SCIN: variants seen among roughly 807,000 people sequenced by gnomAD.
The protein encoded by SCIN is adseverin.
In SCIN, 91 loss-of-function variants were observed where a neutral mutation model predicts 91.8. That is an observed-to-expected ratio of 0.99 (90% CI 0.84 to 1.18). The LOEUF is 1.18. Among genes scored for constraint, SCIN ranks in the 50% most tolerant of loss-of-function variants. The probability of loss-of-function intolerance (pLI) is 0.00; values close to 1 mark genes in which losing one functional copy is unlikely to be tolerated. For missense variants in SCIN, 1,087 were observed against 863.9 expected, an observed-to-expected ratio of 1.26 and a Z score of -3.24; for synonymous variants, 367 against 312.6, an observed-to-expected ratio of 1.17 and a Z score of -1.84.
intron 1 of SCIN, among the ~76,000 whole-genome samples, chr7:12,575,642 G>T (rs528502332): frequency 1.3e-5 from 2 of 152,058 alleles, no homozygotes; most frequent in African/African-American, 2.4e-5. Flanking sequence ...GAAATTCATA[G>T]GATGTACACA....
intron 3 of SCIN, chr7:12,589,601 T>TA (rs1204179077): frequency 1.1e-4 from 17 of 152,180 alleles, no homozygotes; most frequent in African/African-American, 4.1e-4. Context: ...ACTCCTCTTC[T>TA]AAAAAGATAC....
At chr7:12,602,766 G>A (rs1782984756) in intron 3 of SCIN, among the ~76,000 whole-genome samples, 1 of 152,084 alleles carries the variant, frequency 6.6e-6, no homozygotes, top group African/African-American at 2.4e-5. Context: ...GTCTTCCCTT[G>A]TTCCCTAAAA....
intron 1 of SCIN, 149 bp downstream of exon 1, chr7:12,571,134 C>G (rs1292875493): frequency 2.4e-6 from 2 of 844,810 alleles, no homozygotes; most frequent in Non-Finnish European, 1.8e-6. Context: ...TGGGGCCGGC[C>G]ACTTTCTCCC....
Position 12,657,538 on chromosome 7 carries a change from GTATATATATATA to G in SCIN, c.*4847_*4858del, listed in dbSNP as rs1174371206. 149 of 27,606 alleles carry G rather than the reference GTATATATATATA, an allele frequency of 5.4e-3. No individual in the cohort carries two copies. The highest frequency in any genetic ancestry group is 0.011 in the African/African-American group (143 of 12,868). 1.7% of individuals were successfully genotyped at this position (27,606 alleles called of 1,614,324 possible). On this transcript the variant is annotated 3_prime_UTR_variant, in exon 16 of 16. Coordinates refer to ENST00000297029, the MANE Select transcript of SCIN (RefSeq NM_001112706.3). Reference sequence around the variant, plus strand: ...ATTTTTAAGTTTTATATATGTGTGTGTATATATATATATATATATATATATATATATATATTT... The same window carrying G: ...ATTTTTAAGTTTTATATATGTGTGTGTATATATATATATATATATATATTT...
chr7:12,621,637 G>GTTTTTTTTTTTT (rs60697843), intron 4 of SCIN, among the ~76,000 whole-genome samples: 1 of 106,394 alleles, frequency 9.4e-6, no homozygotes, highest in Non-Finnish European at 1.9e-5. Context: ...AAGTGTTTTA[G>GTTTTTTTTTTTT]TTTTTTTTTT....
chr7:12,615,077 G>A (rs151237308), intron 4 of SCIN, among the ~76,000 whole-genome samples: 3 of 152,260 alleles, frequency 2.0e-5, no homozygotes, highest in African/African-American at 4.8e-5. Context: ...CAGACACTGC[G>A]ATCTTAAACA....
At chr7:12,652,517 AT>A in intron 15 of SCIN, 70 bp from the exon 16 acceptor site, 2 of 1,389,596 alleles carry the variant, frequency 1.4e-6, no homozygotes, top group South Asian at 1.3e-5. Context: ...TATTCGAAGA[AT>A]TTTCAATCTG....
At chr7:12,593,065 C>A (rs1179818092) in intron 3 of SCIN, among the ~76,000 whole-genome samples, 1 of 152,216 alleles carries the variant, frequency 6.6e-6, no homozygotes, top group Non-Finnish European at 1.5e-5. Context: ...GTCTGCCCAT[C>A]TGTTGAGAGG....
At chr7:12,593,314 C>T (rs1424781304) in intron 3 of SCIN, among the ~76,000 whole-genome samples, 2 of 152,080 alleles carry the variant, frequency 1.3e-5, no homozygotes, top group South Asian at 2.1e-4. Flanking sequence ...TTATTTTGCT[C>T]GTCCCTGTTA....
At chr7:12,603,490 A>G (rs1783002483) in intron 3 of SCIN, among the ~76,000 whole-genome samples, 1 of 152,092 alleles carries the variant, frequency 6.6e-6, no homozygotes, top group Non-Finnish European at 1.5e-5. Context: ...AACCTGTGTC[A>G]GTTTATACCA....
At chr7:12,626,915 C>G in intron 8 of SCIN, 116 bp downstream of exon 8, 1 of 874,008 alleles carries the variant, frequency 1.1e-6, no homozygotes, top group Admixed American at 2.6e-5. Context: ...CATGGTGAAA[C>G]CCCACCTCTA....
chr7:12,571,429 G>T (rs996403817), intron 1 of SCIN: 11 of 350,250 alleles, frequency 3.1e-5, no homozygotes, highest in Admixed American at 2.5e-4. Flanking sequence ...ATCTGCCGCC[G>T]CTAGGAAGAA....
In SCIN at chr7:12,640,411, T is replaced by G. The variant is rs186847510; in HGVS notation, c.1475T>G (p.Ile492Ser). ...AGTTTGTTCAAAGACAAACCGCTCA[T>G]TATTTACAAGAATGGAACATCAAAG... ...LLSLFKDKPL[I>S]IYKNGTSKKG... The change falls in exon 11 of 16, where the codon ATT becomes AGT. Residue 492 changes from isoleucine (I) to serine (S), a missense_variant. By Grantham distance (142) the Ile-to-Ser change is moderately radical. Coordinates refer to ENST00000297029, the MANE Select transcript of SCIN (RefSeq NM_001112706.3). 1.8e-4 allele frequency: 287 copies of G among 1,613,614 alleles called. 2 individuals carry two copies. In the South Asian group the frequency reaches 1.9e-3, roughly 11 times the overall value.
chr7:12,609,776 C>T (rs1003418664), intron 4 of SCIN, among the ~76,000 whole-genome samples: 15 of 151,962 alleles, frequency 9.9e-5, no homozygotes, highest in Non-Finnish European at 1.8e-4. Flanking sequence ...TAGGCAGATG[C>T]TGTGTTGCTG....
At chr7:12,587,256 G>T (rs186575374) in intron 3 of SCIN, among the ~76,000 whole-genome samples, 7 of 152,282 alleles carry the variant, frequency 4.6e-5, no homozygotes, top group Admixed American at 3.9e-4. Context: ...GGTGAATTTT[G>T]TTAGCCATTA....
chr7:12,586,157 A>C (rs1331850644), intron 3 of SCIN, among the ~76,000 whole-genome samples: 1 of 152,226 alleles, frequency 6.6e-6, no homozygotes, highest in East Asian at 1.9e-4. Context: ...CAACAAATGT[A>C]TATCTATCCA....
In SCIN at chr7:12,653,435, C is replaced by A. The variant is rs550932329; in HGVS notation, c.*720C>A. 2 of 152,220 alleles carry A rather than the reference C, an allele frequency of 1.3e-5. No homozygotes were observed. Among genetic ancestry groups the A allele is most frequent in the South Asian group, 4.1e-4 (2 of 4,822 alleles). 9.4% of individuals were successfully genotyped at this position (152,220 alleles called of 1,614,324 possible). ...TATTCTCTTTTCTATAGATTGTGTT[C>A]AAAAGATGTGTATACTTGCAATAAG... is the stretch of plus-strand genomic sequence containing the variant. On this transcript the variant is annotated 3_prime_UTR_variant, in exon 16 of 16. Coordinates refer to ENST00000297029, the MANE Select transcript of SCIN (RefSeq NM_001112706.3). The surrounding 1 kb of genome is among the most constrained non-coding windows in gnomAD (Gnocchi z 4.1).
Position 12,657,956 on chromosome 7 carries a change from C to T in SCIN, c.*5241C>T, listed in dbSNP as rs1784202140. 1 of 151,968 alleles carries T rather than the reference C, an allele frequency of 6.6e-6. No homozygotes were observed. 9.4% of individuals were successfully genotyped at this position (151,968 alleles called of 1,614,324 possible). A position where few individuals can be genotyped will look rare whatever the true frequency, so the allele number is the denominator to read the frequency against. On this transcript the variant is annotated 3_prime_UTR_variant, in exon 16 of 16. Transcript: ENST00000297029. Reference sequence around the variant, plus strand: ...TTAATTTAGTTAACATGACAAACTCCATCTTATTTAGAGAGATTATTTTTG... The same window carrying T: ...TTAATTTAGTTAACATGACAAACTCTATCTTATTTAGAGAGATTATTTTTG...
chr7:12,588,804 T>TG (rs1204389002), intron 3 of SCIN: 1 of 2,644 alleles, frequency 3.8e-4, no homozygotes. Flanking sequence ...ACAGCTGCAT[T>TG]GGGTGGGGGG....
Sources: gnomAD v4.1 joint callset for allele counts (sites outside exome capture counted in the v4.1 genomes callset) on GRCh38, gnomAD v4.1.1 for gene constraint, Gnocchi (gnomAD v3.1) non-coding constraint, MANE v1.5 for transcripts, NCBI Gene and HGNC (gene_info 2026-07-23, HGNC 2026-07-21) for gene names.